The following ZNF723 variants were observed in gnomAD, a reference collection of about 807,000 sequenced individuals.
ZNF723 encodes zinc finger protein 723, pseudogene.
ZNF723 carries 5 observed loss-of-function variants against 9.4 expected under a neutral mutation model. The ratio of observed to expected loss-of-function variants is 0.53; its 90% CI spans 0.28 to 1.12. The LOEUF is 1.12. Among genes scored for constraint, ZNF723 ranks in the 50% most tolerant of loss-of-function variants. ZNF723 has a pLI of 0.10. For synonymous variants in ZNF723, 158 were observed against 168.8 expected (o/e 0.94, Z 0.49); for missense variants, 450 against 501.5 (o/e 0.90, Z 0.98).
At chr19:22,832,187 G>A (rs1172497933), upstream of ZNF723, 11 of 529,756 alleles carry the variant, frequency 2.1e-5, no homozygotes, top group Middle Eastern at 6.1e-4. Context: ...AGGCCTGAAT[G>A]GGCGGGGCCT....
intron 1 of ZNF723, 71 bp downstream of exon 1, chr19:22,832,453 C>T (rs1008673438): frequency 2.3e-6 from 3 of 1,314,802 alleles, no homozygotes; most frequent in East Asian, 2.8e-5. Flanking sequence ...GTGGCTGTGG[C>T]GGGACTCAGG....
intron 2 of ZNF723, 99 bp downstream of exon 2, chr19:22,848,486 G>C: frequency 1.1e-6 from 1 of 910,000 alleles, no homozygotes; most frequent in Non-Finnish European, 1.7e-6. Context: ...GCATAAATGA[G>C]TTTCACATCA....
At chr19:22,832,653 C>T (rs1967112245) in intron 1 of ZNF723, among the ~76,000 whole-genome samples, 1 of 152,154 alleles carries the variant, frequency 6.6e-6, no homozygotes, top group Non-Finnish European at 1.5e-5. Flanking sequence ...CGAGTCTCTC[C>T]CAGATTGTGC....
intron 1 of ZNF723, among the ~76,000 whole-genome samples, chr19:22,841,155 C>G (rs1452646831): frequency 1.3e-5 from 2 of 152,254 alleles, no homozygotes; most frequent in African/African-American, 4.8e-5. Context: ...ACACCCTATT[C>G]AGCCATTTCT....
chr19:22,845,810 A>G (rs931656710), intron 1 of ZNF723, among the ~76,000 whole-genome samples: 2 of 151,550 alleles, frequency 1.3e-5, no homozygotes, highest in Non-Finnish European at 2.9e-5. Context: ...GCATATTCTC[A>G]AGATGCAGGT....
intron 1 of ZNF723, among the ~76,000 whole-genome samples, chr19:22,834,741 A>G (rs557591201): frequency 8.5e-5 from 13 of 152,258 alleles, no homozygotes; most frequent in African/African-American, 3.1e-4. Flanking sequence ...CATTTCTTGG[A>G]GACACATTGC....
the ZNF723 span, among the ~76,000 whole-genome samples, chr19:22,824,440 A>G: frequency 6.6e-6 from 1 of 152,058 alleles, no homozygotes; most frequent in Admixed American, 6.6e-5. Flanking sequence ...GGATTGTGAC[A>G]TATGCCTGGG....
chr19:22,828,801 C>T (rs576087102), upstream of ZNF723, among the ~76,000 whole-genome samples: 29 of 152,068 alleles, frequency 1.9e-4, no homozygotes, highest in Non-Finnish European at 4.1e-4. Flanking sequence ...TAGGTAGATC[C>T]TAAAACAGGC....
At chr19:22,822,817 G>A in the ZNF723 span, among the ~76,000 whole-genome samples, 34 of 152,178 alleles carry the variant, frequency 2.2e-4, no homozygotes, top group Admixed American at 3.9e-4. Context: ...AGCTGAGATC[G>A]CGCCACTGCA....
intron 1 of ZNF723, among the ~76,000 whole-genome samples, chr19:22,840,010 G>A (rs1967220887): frequency 6.6e-6 from 1 of 151,934 alleles, no homozygotes; most frequent in African/African-American, 2.4e-5. Flanking sequence ...ATGGATTGTG[G>A]ATATTAGTTG....
chr19:22,827,387 G>A (rs1323799999), upstream of ZNF723, among the ~76,000 whole-genome samples: 2 of 151,634 alleles, frequency 1.3e-5, no homozygotes, highest in African/African-American at 2.4e-5. Context: ...TTAGTTGGTT[G>A]TTCATGGGGA....
At chr19:22,856,285 T>G (rs1011670371) in intron 3 of ZNF723, among the ~76,000 whole-genome samples, 6 of 152,180 alleles carry the variant, frequency 3.9e-5, no homozygotes, top group African/African-American at 1.2e-4. Context: ...AATTTCTTTT[T>G]GTATTTTTTA....
intron 3 of ZNF723, among the ~76,000 whole-genome samples, chr19:22,853,496 T>G (rs1450145941): frequency 6.6e-6 from 1 of 152,176 alleles, no homozygotes; most frequent in African/African-American, 2.4e-5. Context: ...TTATAAATTT[T>G]TCAGGTTTTT....
chr19:22,853,603 G>A (rs1967428314), intron 3 of ZNF723, among the ~76,000 whole-genome samples: 1 of 151,932 alleles, frequency 6.6e-6, no homozygotes. Flanking sequence ...TTTTCAAGGA[G>A]AATCTTGTAA....
chr19:22,835,186 G>C, intron 1 of ZNF723, among the ~76,000 whole-genome samples: 1 of 150,924 alleles, frequency 6.6e-6, no homozygotes, highest in East Asian at 2.0e-4. Flanking sequence ...GATTACAGGC[G>C]CCTGCCACCA....
In ZNF723 at chr19:22,832,355, G is replaced by T; in HGVS notation, c.-25G>T. On this transcript the variant is annotated 5_prime_UTR_variant, in exon 1 of 4. Transcript: ENST00000600766. ...GCATTGGGAGATCCACAGCTAAGAC[G>T]CCAGGACTCCCTGGAAGCCTAGAAA... The T allele has an allele frequency of 7.2e-7, 1 of 1,380,566 alleles. No homozygotes were observed. Among genetic ancestry groups the T allele is most frequent in the Non-Finnish European group, 1.0e-6 (1 of 986,178 alleles). 85.5% of individuals were successfully genotyped at this position (1,380,566 alleles called of 1,614,324 possible).
At chr19:22,829,910 G>A (rs1360095584), upstream of ZNF723, among the ~76,000 whole-genome samples, 1 of 152,080 alleles carries the variant, frequency 6.6e-6, no homozygotes, top group Non-Finnish European at 1.5e-5. Context: ...TGAATTTTCT[G>A]TATGCCACTT....
chr19:22,842,901 G>T (rs1408499746), intron 1 of ZNF723, among the ~76,000 whole-genome samples: 2 of 152,220 alleles, frequency 1.3e-5, no homozygotes, highest in Admixed American at 6.5e-5. Flanking sequence ...ACATCTTAAA[G>T]TTCCTCTTTG....
At chr19:22,829,700 T>C (rs867032175), upstream of ZNF723, among the ~76,000 whole-genome samples, 105 of 152,032 alleles carry the variant, frequency 6.9e-4, no homozygotes, top group African/African-American at 2.4e-3. Flanking sequence ...TATATTCTAA[T>C]GCTGCCACTT....
Sources: allele counts gnomAD v4.1 joint callset (sites outside exome capture counted in the v4.1 genomes callset), GRCh38; gene constraint gnomAD v4.1.1; transcripts MANE v1.5; gene names NCBI Gene and HGNC (gene_info 2026-07-23, HGNC 2026-07-21).